The following UBR3 variants were observed in gnomAD, a reference collection of about 807,000 sequenced individuals.
The protein encoded by UBR3 is E3 ubiquitin-protein ligase UBR3.
A neutral mutation model predicts 243.2 loss-of-function variants in UBR3; 85 were observed. That is an observed-to-expected ratio of 0.35 (90% CI 0.29 to 0.42). The LOEUF (loss-of-function observed/expected upper bound fraction) is 0.42. Among genes scored for constraint, UBR3 ranks in the 10% least tolerant of loss-of-function variants. UBR3 has a pLI of 1.00. For synonymous variants in UBR3, 748 were observed against 799.8 expected (o/e 0.94, Z 1.09); for missense variants, 1,686 against 2,300.8 (o/e 0.73, Z 5.47).
intron 35 of UBR3, among the ~76,000 whole-genome samples, chr2:170,072,444 G>A (rs1297166698): frequency 6.8e-6 from 1 of 147,598 alleles, no homozygotes; most frequent in Non-Finnish European, 1.5e-5. Flanking sequence ...AGGGGGGAGG[G>A]ATAGCATTAG....
At chr2:169,999,423 G>A (rs116732550) in intron 26 of UBR3, among the ~76,000 whole-genome samples, 3,212 of 152,292 alleles carry the variant, frequency 0.021, 44 homozygotes, top group Non-Finnish European at 0.034. Flanking sequence ...TTAGATACTC[G>A]TGAAGAGTCT....
intron 1 of UBR3, among the ~76,000 whole-genome samples, chr2:169,851,311 C>T (rs558756949): frequency 5.3e-5 from 8 of 152,170 alleles, no homozygotes; most frequent in African/African-American, 1.9e-4. Flanking sequence ...TTTTTGTATA[C>T]ATGGGGTTTT....
At chr2:170,018,808 TA>T (rs2090314719) in intron 30 of UBR3, among the ~76,000 whole-genome samples, 1 of 152,214 alleles carries the variant, frequency 6.6e-6, no homozygotes, top group South Asian at 2.1e-4. Flanking sequence ...ATTAAAGGCA[TA>T]ACTTTTTATT....
chr2:169,943,850 T>C (rs1283479489), intron 20 of UBR3, among the ~76,000 whole-genome samples: 1 of 152,118 alleles, frequency 6.6e-6, no homozygotes, highest in Admixed American at 6.5e-5. Context: ...TTTAGTTAGG[T>C]AGGAATTTTA....
intron 1 of UBR3, among the ~76,000 whole-genome samples, chr2:169,857,067 T>A (rs1408383297): frequency 1.4e-5 from 1 of 69,062 alleles, no homozygotes; most frequent in African/African-American, 9.9e-5. Context: ...TTATTATGTT[T>A]TTTTTTTTTT....
At chr2:169,959,935 T>C (rs1246600191) in intron 24 of UBR3, among the ~76,000 whole-genome samples, 1 of 152,166 alleles carries the variant, frequency 6.6e-6, no homozygotes, top group East Asian at 1.9e-4. Context: ...CAAAACTATA[T>C]TTCATTTACA....
intron 11 of UBR3, among the ~76,000 whole-genome samples, chr2:169,918,198 A>G (rs1172077289): frequency 2.0e-5 from 3 of 152,182 alleles, no homozygotes; most frequent in Admixed American, 2.0e-4. Context: ...GGCAGTGGAA[A>G]GAGCTTTAAC....
intron 1 of UBR3, among the ~76,000 whole-genome samples, chr2:169,852,226 C>T (rs768708008): frequency 8.2e-4 from 124 of 152,080 alleles, no homozygotes; most frequent in Non-Finnish European, 1.4e-3. Context: ...TGTTTTAAAC[C>T]CTTTCTTCAC....
rs2090947863 is a variant in UBR3, at chr2:170,040,775, G to A, written c.4557-107G>A. On this transcript the variant is annotated intron_variant, in intron 31 of 38. Transcript: ENST00000272793. ...GTTTTTTTTTACATTTCTTCTTTGT[G>A]TATTAAAGTTTTTATTTCTGTTCCA... 3 of 886,458 alleles carry A rather than the reference G, an allele frequency of 3.4e-6. No homozygotes were observed. The East Asian group carries it at 8.3e-5, about 25-fold the overall frequency. The allele number at this position is 886,458 out of a possible 1,614,324, so 54.9% of individuals were successfully genotyped here. A position where few individuals can be genotyped will look rare whatever the true frequency, so the allele number is the denominator to read the frequency against.
At chr2:170,013,466 C>T (rs2090145164) in intron 29 of UBR3, among the ~76,000 whole-genome samples, 1 of 151,896 alleles carries the variant, frequency 6.6e-6, no homozygotes, top group Non-Finnish European at 1.5e-5. Flanking sequence ...AATGTAAAAT[C>T]CTAGATATTA....
intron 27 of UBR3, among the ~76,000 whole-genome samples, chr2:170,002,380 G>T (rs973238321): frequency 6.6e-6 from 1 of 152,166 alleles, no homozygotes; most frequent in African/African-American, 2.4e-5. Flanking sequence ...TCTTTGATCA[G>T]TTCCCTCTCC....
intron 24 of UBR3, among the ~76,000 whole-genome samples, chr2:169,971,631 G>C (rs1401886716): frequency 1.3e-5 from 2 of 152,114 alleles, no homozygotes; most frequent in African/African-American, 4.8e-5. Flanking sequence ...AGATCAGATA[G>C]TTGTAGATAT....
intron 35 of UBR3, among the ~76,000 whole-genome samples, chr2:170,070,169 T>A (rs770131039): frequency 6.6e-6 from 1 of 152,136 alleles, no homozygotes; most frequent in Admixed American, 6.5e-5. Context: ...CCAAATGGGT[T>A]TATCCCGGAA....
At chr2:169,951,772 C>A (rs1030151891) in intron 23 of UBR3, among the ~76,000 whole-genome samples, 2 of 151,562 alleles carry the variant, frequency 1.3e-5, no homozygotes, top group African/African-American at 4.9e-5. Flanking sequence ...AGGGTCTGAA[C>A]TAAGACAGTG....
rs183667671 is a variant in UBR3, at chr2:170,003,261, T to A, written c.4029+1847T>A. On this transcript the variant is annotated intron_variant, in intron 27 of 38. Coordinates refer to ENST00000272793, the MANE Select transcript of UBR3 (RefSeq NM_172070.4). ...TACATTGAGCTTTCTAAAATTTAAA[T>A]CAACAATACGTGTTGTTGGCTTAAA... is the stretch of plus-strand genomic sequence containing the variant. 2.0e-3 allele frequency among the ~76,000 whole-genome samples: 307 copies of A among 152,330 alleles called. 1 individual carries two copies. The highest frequency in any genetic ancestry group is 3.6e-3 in the Non-Finnish European group (244 of 68,026).
chr2:170,014,136 C>T (rs2090164949), intron 29 of UBR3: 1 of 195,150 alleles, frequency 5.1e-6, no homozygotes, highest in African/African-American at 2.3e-5. Context: ...AGGATTAAAG[C>T]ATTCCTTTAG....
At chr2:170,032,718 A>C (rs1260998233) in intron 31 of UBR3, among the ~76,000 whole-genome samples, 1 of 149,532 alleles carries the variant, frequency 6.7e-6, no homozygotes, top group Non-Finnish European at 1.5e-5. Flanking sequence ...CCACAGACTA[A>C]TGTGTTCCTT....
At chr2:169,914,172 A>AT in intron 11 of UBR3, 26 bp downstream of exon 11, 2 of 1,334,150 alleles carry the variant, frequency 1.5e-6, no homozygotes, top group Non-Finnish European at 2.0e-6. Flanking sequence ...ATGTATGTAA[A>AT]TTTTTTGATG....
At chr2:170,076,242 T>C (rs2091807270) in intron 36 of UBR3, among the ~76,000 whole-genome samples, 1 of 152,188 alleles carries the variant, frequency 6.6e-6, no homozygotes, top group Non-Finnish European at 1.5e-5. Context: ...GAACTTATAA[T>C]GTTATTAATA....
Sources: gnomAD v4.1 joint callset for allele counts (sites outside exome capture counted in the v4.1 genomes callset) on GRCh38, gnomAD v4.1.1 for gene constraint, MANE v1.5 for transcripts, NCBI Gene and HGNC (gene_info 2026-07-23, HGNC 2026-07-21) for gene names.